NEB: variants seen among roughly 807,000 people sequenced by gnomAD.
The protein encoded by NEB is nebulin, also known as nemaline myopathy type 2.
NEB carries 512 observed loss-of-function variants against 952.2 expected under a neutral mutation model. The ratio of observed to expected loss-of-function variants is 0.54; its 90% confidence interval spans 0.50 to 0.58. The LOEUF (loss-of-function observed/expected upper bound fraction) is 0.58, where lower values mean the gene tolerates loss of function less well. Ranked by LOEUF, NEB falls within the 20% of genes least tolerant of loss-of-function variation. The pLI, the probability that NEB is intolerant of heterozygous loss-of-function variation, is 0.00. For missense variants in NEB, 8,428 were observed against 9,231.1 expected, an observed-to-expected ratio of 0.91 and a Z score of 3.56; for synonymous variants, 2,900 against 3,149.8, an observed-to-expected ratio of 0.92 and a Z score of 2.66.
intron 24 of NEB, chr2:151,690,224 A>T (rs2099537580): frequency 6.2e-6 from 1 of 161,622 alleles, no homozygotes; most frequent in African/African-American, 2.4e-5. Flanking sequence ...ACTTTCTTTG[A>T]CCACTCAATC....
chr2:151,496,415 C>T, intron 172 of NEB, 47 bp from the exon 173 acceptor site: 1 of 1,559,448 alleles, frequency 6.4e-7, no homozygotes, highest in Non-Finnish European at 8.7e-7. Context: ...AGTAACATTT[C>T]ATTTGTTGAG....
chr2:151,505,866 G>A (rs2068459657), intron 164 of NEB: 2 of 535,114 alleles, frequency 3.7e-6, no homozygotes, highest in Non-Finnish European at 6.7e-6. Flanking sequence ...CAGGTCGTTT[G>A]ACTAGGATAA....
chr2:151,506,986 T>A lies in NEB; in HGVS notation c.23479A>T (p.Ser7827Cys). 6.2e-7 allele frequency: 1 copy of A among 1,608,368 alleles called. No homozygotes were observed. The highest frequency in any genetic ancestry group is 1.3e-5 in the African/African-American group (1 of 74,926). Residue 7827 changes from serine (S) to cysteine (C), a missense_variant, in exon 163 of 182, where the codon AGT (serine) becomes TGT (cysteine). By Grantham distance (112) the Ser-to-Cys change is moderately radical (BLOSUM62 -1). Transcript: ENST00000397345. The stretch of plus-strand genomic sequence containing the variant: ...TGAACAACTGTAATTTTTCCTTTAC[T>A]GTTTTTAAGGTCACACTGGTATTGG... ...LLQYQCDLKN[S>C]KGKITVVQDT...
chr2:151,510,355 T>G (rs2073173690), intron 161 of NEB, among the ~76,000 whole-genome samples: 1 of 152,286 alleles, frequency 6.6e-6, no homozygotes, highest in Non-Finnish European at 1.5e-5. Context: ...AAACTTTTGG[T>G]GGGCTTTTGT....
intron 52 of NEB, among the ~76,000 whole-genome samples, chr2:151,651,897 T>C (rs1272454204): frequency 6.6e-6 from 1 of 152,206 alleles, no homozygotes; most frequent in East Asian, 1.9e-4. Flanking sequence ...ACAAATAAGC[T>C]TTCTGACCTG....
rs1553787578 is a variant in NEB, at chr2:151,570,101, CCTT to C, written c.17407_17409del (p.Lys5803del). 1 of 1,610,380 alleles carries C rather than the reference CCTT, an allele frequency of 6.2e-7. No individual in the cohort carries two copies. The highest frequency in any genetic ancestry group is 1.7e-5 in the Admixed American group (1 of 59,554). ...CTCACATCGCTCTGCAGTTCGTAGG[CCTT>C]CTTGGCCTGAATCACATCGTTCTGG... On this transcript the variant is annotated inframe_deletion, in exon 109 of 182. Coordinates refer to ENST00000397345, the MANE Select transcript of NEB (RefSeq NM_001164508.2).
intron 83 of NEB, 41 bp from the exon 84 acceptor site, chr2:151,606,754 A>G: frequency 3.5e-6 from 2 of 569,326 alleles, no homozygotes; most frequent in Admixed American, 5.0e-5. Flanking sequence ...AGAATGGAAA[A>G]ATAAGCAAAT....
intron 9 of NEB, among the ~76,000 whole-genome samples, chr2:151,720,434 G>A (rs2099771103): frequency 1.3e-5 from 2 of 152,166 alleles, no homozygotes; most frequent in Admixed American, 1.3e-4. Context: ...CTGATACTGA[G>A]TGCACACTTG....
Position 151,675,518 on chromosome 2 carries a change from T to A in NEB, c.3775-127A>T, listed in dbSNP as rs2099352531. On this transcript the variant is annotated intron_variant, in intron 34 of 181. Coordinates refer to ENST00000397345, the MANE Select transcript of NEB (RefSeq NM_001164508.2). ...AAAAATCATCAAAGGCATTTTCCTA[T>A]TTTTTTAAATAAAACAAGCATCTTA... is the stretch of plus-strand genomic sequence containing the variant. The A allele has an allele frequency of 8.0e-6, 5 of 626,236 alleles. No individual in the cohort carries two copies. The Admixed American group carries it at 1.6e-4, about 20-fold the overall frequency. The allele number at this position is 626,236 out of a possible 1,614,324, so 38.8% of individuals were successfully genotyped here.
At chr2:151,626,124 T>G (rs967648998) in intron 70 of NEB, among the ~76,000 whole-genome samples, 2 of 152,036 alleles carry the variant, frequency 1.3e-5, no homozygotes, top group Non-Finnish European at 2.9e-5. Context: ...CTTTTTTTTT[T>G]TTTTTATGAG....
At chr2:151,491,465 G>A in intron 179 of NEB, 2 of 434,882 alleles carry the variant, frequency 4.6e-6, no homozygotes, top group South Asian at 5.7e-5. Context: ...AATAATGGGA[G>A]ACATGCACTG....
Position 151,490,015 on chromosome 2 carries a change from G to A in NEB, c.25360C>T (p.Gln8454Ter). Reference sequence around the variant, plus strand: ...GATGGGATGGAAGATACCGTTGTCTGTTGGGTAGCAACTGAAGATGATCGT... The same window carrying A: ...GATGGGATGGAAGATACCGTTGTCTATTGGGTAGCAACTGAAGATGATCGT... ...QQRSSSVATQQTTVSSIPSHP... is the reference protein window; with the variant it reads ...QQRSSSVATQ Residue 8454 changes from glutamine (Q) to a stop codon, truncating the protein, a stop_gained, in exon 181 of 182, where the codon CAG becomes TAG. Transcript: ENST00000397345. LOFTEE classifies it high-confidence loss of function. 2 of 1,613,546 alleles carry A rather than the reference G, an allele frequency of 1.2e-6. No individual in the cohort carries two copies. The highest frequency in any genetic ancestry group is 2.2e-5 in the East Asian group (1 of 44,856).
intron 57 of NEB, among the ~76,000 whole-genome samples, chr2:151,643,591 T>A (rs1011300536): frequency 2.6e-5 from 4 of 152,184 alleles, no homozygotes; most frequent in African/African-American, 9.7e-5. Context: ...AAGGACTCAA[T>A]CCTTTGATTG....
intron 105 of NEB, among the ~76,000 whole-genome samples, chr2:151,578,752 A>G (rs2096991404): frequency 6.9e-6 from 1 of 145,906 alleles, no homozygotes; most frequent in Admixed American, 6.9e-5. Flanking sequence ...GGAGAGAAGG[A>G]AGGAACGAAG....
At position 151,675,293 on chromosome 2, in the gene NEB, T is replaced by C; in HGVS notation, c.3873A>G (p.Ile1291Met). 1 of 1,574,690 alleles carries C rather than the reference T, an allele frequency of 6.4e-7. No individual in the cohort carries two copies. Among genetic ancestry groups the C allele is most frequent in the Non-Finnish European group, 8.7e-7 (1 of 1,153,376 alleles). ...CAGCAAAGACCCTACTTACGTCACTTATATTGTAAGCATTGCACTTGGCCT... is the reference window on the plus strand; with the variant it reads ...CAGCAAAGACCCTACTTACGTCACTCATATTGTAAGCATTGCACTTGGCCT... ...FLQAKCNAYN[I>M]SDVCYKRDWY... The change falls in exon 35 of 182, where the codon ATA becomes ATG. Residue 1291 changes from isoleucine to methionine, a missense_variant. Ile to Met is a conservative substitution (Grantham distance 10). This residue lies in a region of NEB where 2,851 missense variants were observed against 2,791.5 expected (regional missense o/e 1.02). Coordinates refer to ENST00000397345, the MANE Select transcript of NEB (RefSeq NM_001164508.2).
rs1372111425 is a variant in NEB, at chr2:151,524,403, C to G, written c.22387G>C (p.Ala7463Pro). ...TGGCTGCCTTCCTTGCGGTGCTTGG[C>G]TCTGTACTCCACCTGAATCAGAGAA... Reference protein sequence around the residue: ...AKQASEVEYRAKHRKEGSHGL... With the variant: ...AKQASEVEYRPKHRKEGSHGL... The change falls in exon 153 of 182, where the codon GCC becomes CCC. Residue 7463 changes from alanine (A) to proline (P), a missense_variant. Transcript: ENST00000397345. 1 of 1,613,994 alleles carries G rather than the reference C, an allele frequency of 6.2e-7. No individual in the cohort carries two copies. The highest frequency in any genetic ancestry group is 1.7e-5 in the Admixed American group (1 of 60,028).
chr2:151,531,742 T>C lies in NEB; in HGVS notation c.21522+50A>G, dbSNP rs770582192. 3 of 1,379,352 alleles carry C rather than the reference T, an allele frequency of 2.2e-6. No homozygotes were observed. In the Admixed American group the frequency reaches 5.6e-5, roughly 26 times the overall value. 85.4% of individuals were successfully genotyped at this position (1,379,352 alleles called of 1,614,324 possible). A position where few individuals can be genotyped will look rare whatever the true frequency, so the allele number is the denominator to read the frequency against. Reference sequence around the variant, plus strand: ...ACAATTTAAAATGCCCCTCCATGTTTGCAGATGCCCCCTGAGTTTGAGAAG... The same window carrying C: ...ACAATTTAAAATGCCCCTCCATGTTCGCAGATGCCCCCTGAGTTTGAGAAG... On this transcript the variant is annotated intron_variant, in intron 144 of 181. Coordinates refer to ENST00000397345, the MANE Select transcript of NEB (RefSeq NM_001164508.2).
At chr2:151,540,932 T>A in intron 136 of NEB, 131 bp from the exon 137 acceptor site, 1 of 753,022 alleles carries the variant, frequency 1.3e-6, no homozygotes, top group Non-Finnish European at 2.2e-6. Context: ...TTTGTTTGCT[T>A]GTTTTTTTGT....
chr2:151,565,963 G>A, intron 114 of NEB, 143 bp from the exon 115 acceptor site: 1 of 616,654 alleles, frequency 1.6e-6, no homozygotes, highest in Non-Finnish European at 2.8e-6. Flanking sequence ...TTTCACCTGA[G>A]CAATATTTCT....
Sources: gnomAD v4.1 joint callset for allele counts (sites outside exome capture counted in the v4.1 genomes callset) on GRCh38, gnomAD v4.1.1 for gene constraint, gnomAD v4.1.1 regional missense constraint, MANE v1.5 for transcripts, NCBI Gene and HGNC (gene_info 2026-07-23, HGNC 2026-07-21) for gene names.